The following CYP20A1 variants were observed in gnomAD, a reference collection of about 807,000 sequenced individuals.
CYP20A1 encodes cytochrome P450 20A1.
In CYP20A1, 61 loss-of-function variants were observed where a neutral mutation model predicts 61.4. The ratio of observed to expected loss-of-function variants is 0.99; its 90% CI spans 0.81 to 1.23. The LOEUF (loss-of-function observed/expected upper bound fraction) is 1.23, where lower values mean the gene tolerates loss of function less well. Ranked by LOEUF, CYP20A1 falls within the 50% of genes most tolerant of loss-of-function variation. The pLI, the probability that CYP20A1 is intolerant of heterozygous loss-of-function variation, is 0.00. For synonymous variants in CYP20A1, 193 were observed against 188.2 expected, an observed-to-expected ratio of 1.03 and a Z score of -0.21; for missense variants, 530 against 542.4, an observed-to-expected ratio of 0.98 and a Z score of 0.23.
At position 203,264,998 on chromosome 2, in the gene CYP20A1, A is replaced by G. The variant is rs544983391; in HGVS notation, c.433-1516A>G. On this transcript the variant is annotated intron_variant, in intron 4 of 12. Coordinates refer to ENST00000356079, the MANE Select transcript of CYP20A1 (RefSeq NM_177538.3). ...CCCACCTCGGCCTCCCAAAGTGCTGAGATTACAGGCGTGAGCCACTGCGCC... is the reference window on the plus strand; with the variant it reads ...CCCACCTCGGCCTCCCAAAGTGCTGGGATTACAGGCGTGAGCCACTGCGCC... Among the ~76,000 whole-genome samples the G allele has an allele frequency of 1.8e-3, 280 of 152,080 alleles. 2 individuals are homozygous for G. Among genetic ancestry groups the G allele is most frequent in the African/African-American group, 5.9e-3 (243 of 41,402 alleles).
chr2:203,263,382 G>A (rs912497551), intron 4 of CYP20A1, among the ~76,000 whole-genome samples: 11 of 149,420 alleles, frequency 7.4e-5, no homozygotes, highest in Non-Finnish European at 1.2e-4. Flanking sequence ...CTCCAACTCC[G>A]TGGTTCAAGT....
intron 10 of CYP20A1, among the ~76,000 whole-genome samples, chr2:203,290,928 C>T (rs1355779669): frequency 1.3e-5 from 2 of 152,160 alleles, no homozygotes; most frequent in African/African-American, 4.8e-5. Flanking sequence ...CAGGCATGAG[C>T]CACCATGCCC....
chr2:203,244,224 CAG>C (rs760113251), intron 1 of CYP20A1, among the ~76,000 whole-genome samples: 2 of 151,700 alleles, frequency 1.3e-5, no homozygotes, highest in Non-Finnish European at 2.9e-5. Context: ...TCTTTTGAGA[CAG>C]AGTCTGACTC....
intron 9 of CYP20A1, among the ~76,000 whole-genome samples, chr2:203,287,633 G>A (rs766915926): frequency 4.6e-5 from 7 of 152,152 alleles, no homozygotes; most frequent in Non-Finnish European, 7.3e-5. Flanking sequence ...TTGGGCCTGG[G>A]AGGTTGAGGC....
chr2:203,290,080 A>G (rs2068471439), intron 10 of CYP20A1, among the ~76,000 whole-genome samples: 1 of 152,084 alleles, frequency 6.6e-6, no homozygotes, highest in South Asian at 2.1e-4. Context: ...AGCGGGGATT[A>G]CAGGCGCCCG....
At chr2:203,264,872 G>T (rs1286015793) in intron 4 of CYP20A1, among the ~76,000 whole-genome samples, 1 of 152,074 alleles carries the variant, frequency 6.6e-6, no homozygotes, top group Non-Finnish European at 1.5e-5. Flanking sequence ...TGGGACTACA[G>T]ATGCTTGCCA....
At chr2:203,283,973 T>C (rs189732682) in intron 8 of CYP20A1, among the ~76,000 whole-genome samples, 474 of 152,320 alleles carry the variant, frequency 3.1e-3, no homozygotes, top group Non-Finnish European at 5.5e-3. Flanking sequence ...GACATACATA[T>C]TGTACACTGC....
rs2068835567 is a variant in CYP20A1, at chr2:203,297,098, C to T, written c.*190C>T. The T allele has an allele frequency of 7.2e-6, 3 of 418,428 alleles. No individual in the cohort carries two copies. Among genetic ancestry groups the T allele is most frequent in the South Asian group, 3.8e-5 (1 of 26,086 alleles). 25.9% of individuals were successfully genotyped at this position (418,428 alleles called of 1,614,324 possible). On this transcript the variant is annotated 3_prime_UTR_variant, in exon 13 of 13. Transcript: ENST00000356079. The stretch of plus-strand genomic sequence containing the variant: ...CATTGTACACATTTGACTTACTGCA[C>T]AGTATATTGATCATTTTAATGGGAA...
In CYP20A1 at chr2:203,272,652, A is replaced by G. The variant is rs369886429; in HGVS notation, c.601-18A>G. On this transcript the variant is annotated intron_variant, in intron 5 of 12. Coordinates refer to ENST00000356079, the MANE Select transcript of CYP20A1 (RefSeq NM_177538.3). ...TCTACCTATTAGATAATAGTTATGT[A>G]TATTTACCTATTTTCAGGTTTGGTC... The G allele has an allele frequency of 2.3e-5, 35 of 1,533,694 alleles. No homozygotes were observed. Among genetic ancestry groups the G allele is most frequent in the African/African-American group, 2.1e-4 (15 of 71,768 alleles).
intron 4 of CYP20A1, among the ~76,000 whole-genome samples, chr2:203,262,468 CT>C (rs555858867): frequency 2.6e-4 from 40 of 152,094 alleles, no homozygotes; most frequent in South Asian, 1.5e-3. Context: ...CATGAACCAA[CT>C]TTTTTTTCTA....
chr2:203,296,875 A>C lies in CYP20A1; in HGVS notation c.1356A>C (p.Glu452Asp). ...TKYELVTSSR[E>D]EAWITVSKRY ...ATGAACTGGTAACATCATCAAGGGA[A>C]GAAGCTTGGATCACTGTCTCAAAGA... The change falls in exon 13 of 13, where the codon GAA becomes GAC. Residue 452 changes from glutamate (E) to aspartate (D), a missense_variant. By Grantham distance (45) the Glu-to-Asp change is conservative. Coordinates refer to ENST00000356079, the MANE Select transcript of CYP20A1 (RefSeq NM_177538.3). 6.2e-7 allele frequency: 1 copy of C among 1,603,002 alleles called. No homozygotes were observed. The highest frequency in any genetic ancestry group is 8.5e-7 in the Non-Finnish European group (1 of 1,176,080).
chr2:203,293,704 G>T (rs1164833821), intron 11 of CYP20A1, among the ~76,000 whole-genome samples: 1 of 151,556 alleles, frequency 6.6e-6, no homozygotes, highest in Non-Finnish European at 1.5e-5. Flanking sequence ...ATCCCTCATC[G>T]CCCCACCGTT....
intron 1 of CYP20A1, among the ~76,000 whole-genome samples, chr2:203,241,380 G>A (rs2066248902): frequency 6.6e-6 from 1 of 152,144 alleles, no homozygotes; most frequent in Non-Finnish European, 1.5e-5. Flanking sequence ...TACACATTTG[G>A]GAGCTATCAA....
At chr2:203,267,859 AAG>A (rs1192991368) in intron 5 of CYP20A1, among the ~76,000 whole-genome samples, 11 of 152,010 alleles carry the variant, frequency 7.2e-5, no homozygotes, top group African/African-American at 2.2e-4. Context: ...AAAAAAAAAA[AAG>A]AGCGATCTCA....
Position 203,296,914 on chromosome 2 carries a change from T to C in CYP20A1, c.*6T>C. The C allele has an allele frequency of 6.7e-7, 1 of 1,495,514 alleles. No homozygotes were observed. Among genetic ancestry groups the C allele is most frequent in the Non-Finnish European group, 9.1e-7 (1 of 1,100,980 alleles). The allele number at this position is 1,495,514 out of a possible 1,614,324, so 92.6% of individuals were successfully genotyped here. On this transcript the variant is annotated 3_prime_UTR_variant, in exon 13 of 13. Coordinates refer to ENST00000356079, the MANE Select transcript of CYP20A1 (RefSeq NM_177538.3). ...CTGTCTCAAAGAGATATTAAAATTT[T>C]ATACATTTAAAATCATTGTTAAATT...
chr2:203,279,112 G>A (rs1265222374), intron 7 of CYP20A1, among the ~76,000 whole-genome samples: 9 of 151,920 alleles, frequency 5.9e-5, no homozygotes, highest in Non-Finnish European at 1.2e-4. Context: ...CTACAGACGC[G>A]CACCACCACG....
intron 4 of CYP20A1, among the ~76,000 whole-genome samples, chr2:203,252,542 G>A (rs566021800): frequency 6.6e-5 from 10 of 152,030 alleles, no homozygotes; most frequent in Non-Finnish European, 1.3e-4. Flanking sequence ...TTACAGGTGC[G>A]CACCATCACA....
intron 1 of CYP20A1, among the ~76,000 whole-genome samples, chr2:203,242,058 T>TAGG (rs1250409172): frequency 6.6e-6 from 1 of 152,166 alleles, no homozygotes; most frequent in African/African-American, 2.4e-5. Context: ...GCCAGGCTGG[T>TAGG]TTCGAACTCC....
At chr2:203,284,885 A>G (rs1364404513) in intron 8 of CYP20A1, among the ~76,000 whole-genome samples, 2 of 151,800 alleles carry the variant, frequency 1.3e-5, no homozygotes, top group Non-Finnish European at 2.9e-5. Context: ...AGCTGGGACT[A>G]TAGGCACACA....
Sources: allele counts gnomAD v4.1 joint callset (sites outside exome capture counted in the v4.1 genomes callset), GRCh38; gene constraint gnomAD v4.1.1; transcripts MANE v1.5; gene names NCBI Gene and HGNC (gene_info 2026-07-23, HGNC 2026-07-21).